The following P4HA1 variants were observed in gnomAD, a reference collection of about 807,000 sequenced individuals.
The protein encoded by P4HA1 is prolyl 4-hydroxylase subunit alpha 1, also known as prolyl 4-hydroxylase subunit alpha-1.
Under a neutral mutation model 72.8 loss-of-function variants are expected in P4HA1, and 24 were observed. That is an observed-to-expected ratio of 0.33 (90% CI 0.24 to 0.46). The LOEUF (loss-of-function observed/expected upper bound fraction) is 0.46. Among genes scored for constraint, P4HA1 ranks in the 20% least tolerant of loss-of-function variants. P4HA1 has a pLI of 1.00. For synonymous variants in P4HA1, 201 were observed against 218.8 expected (o/e 0.92, Z 0.72); for missense variants, 446 against 640.6 (o/e 0.70, Z 3.28).
intron 4 of P4HA1, chr10:73,071,471 C>T (rs1841564331): frequency 1.3e-5 from 2 of 152,050 alleles, no homozygotes. Context: ...GGCATAATCC[C>T]TTTACCTCCT....
intron 10 of P4HA1, among the ~76,000 whole-genome samples, chr10:73,028,032 GAACAACA>G (rs1840332529): frequency 6.6e-6 from 1 of 152,076 alleles, no homozygotes; most frequent in Non-Finnish European, 1.5e-5. Flanking sequence ...GATGAATACT[GAACAACA>G]GTCAAACACT....
Position 73,073,793 on chromosome 10 carries a change from A to C in P4HA1, c.111T>G (p.Asp37Glu). ...TATAATCTTTCAGAGAAGTCACCAG[A>C]TCTTTCTCAGTATGGATCAAATCAG... Reference protein sequence around the residue: ...QMTDLIHTEKDLVTSLKDYIK... With the variant: ...QMTDLIHTEKELVTSLKDYIK... Residue 37 changes from aspartate (D) to glutamate (E), a missense_variant, in exon 3 of 15, where the codon GAT becomes GAG. Asp to Glu is a conservative substitution (Grantham distance 45). Transcript: ENST00000394890. The C allele has an allele frequency of 1.3e-6, 2 of 1,589,494 alleles. No individual in the cohort carries two copies. The highest frequency in any genetic ancestry group is 1.7e-6 in the Non-Finnish European group (2 of 1,158,226).
intron 10 of P4HA1, among the ~76,000 whole-genome samples, chr10:73,027,729 A>T (rs994687495): frequency 7.3e-6 from 1 of 137,682 alleles, no homozygotes; most frequent in East Asian, 2.5e-4. Flanking sequence ...AAAGGAAAGG[A>T]GGGAAGGATG....
At chr10:73,052,932 C>T (rs1038388136) in intron 6 of P4HA1, among the ~76,000 whole-genome samples, 2 of 152,130 alleles carry the variant, frequency 1.3e-5, no homozygotes, top group African/African-American at 4.8e-5. Context: ...ATAAAATTCT[C>T]CTAAGGTGTA....
intron 1 of P4HA1, among the ~76,000 whole-genome samples, chr10:73,094,600 T>A (rs969278319): frequency 2.6e-5 from 4 of 152,218 alleles, no homozygotes; most frequent in African/African-American, 4.8e-5. Flanking sequence ...AATAAAGCAT[T>A]CCTTCCACAG....
chr10:73,021,152 A>C (rs1422577901), intron 10 of P4HA1, among the ~76,000 whole-genome samples: 1 of 151,856 alleles, frequency 6.6e-6, no homozygotes, highest in Non-Finnish European at 1.5e-5. Context: ...AACAAACAAA[A>C]AAACCCAAAA....
intron 9 of P4HA1, among the ~76,000 whole-genome samples, chr10:73,042,270 C>T (rs906928020): frequency 1.3e-5 from 2 of 151,836 alleles, no homozygotes; most frequent in South Asian, 2.1e-4. Flanking sequence ...TGTATAGTAA[C>T]GTTTAAGGTT....
chr10:73,022,110 C>A (rs913084808), intron 10 of P4HA1, among the ~76,000 whole-genome samples: 1 of 152,226 alleles, frequency 6.6e-6, no homozygotes, highest in African/African-American at 2.4e-5. Flanking sequence ...ACTTAAACGT[C>A]CCTGTCTGAC....
At chr10:73,018,746 T>C (rs1478673149) in intron 10 of P4HA1, among the ~76,000 whole-genome samples, 3 of 151,954 alleles carry the variant, frequency 2.0e-5, no homozygotes, top group Admixed American at 6.6e-5. Flanking sequence ...CTCCAGAGCA[T>C]CCTCTCTTCC....
chr10:73,079,483 T>G (rs1841776611), intron 1 of P4HA1, among the ~76,000 whole-genome samples: 1 of 152,314 alleles, frequency 6.6e-6, no homozygotes, highest in African/African-American at 2.4e-5. Flanking sequence ...GGCTCACGCC[T>G]GTAATCCCAG....
In P4HA1 at chr10:73,008,077, C is replaced by G; in HGVS notation, c.*145G>C. 1 of 487,344 alleles carries G rather than the reference C, an allele frequency of 2.1e-6. No homozygotes were observed. The highest frequency in any genetic ancestry group is 3.7e-6 in the Non-Finnish European group (1 of 269,834). 30.2% of individuals were successfully genotyped at this position (487,344 alleles called of 1,614,324 possible). A position where few individuals can be genotyped will look rare whatever the true frequency, so the allele number is the denominator to read the frequency against. ...AAGAACCCACAAAGTAAGCAATTGT[C>G]CACAGATGAAACATGGGATGAGGTT... On this transcript the variant is annotated 3_prime_UTR_variant, in exon 15 of 15. Transcript: ENST00000394890.
At chr10:73,080,294 T>C (rs1205685707) in intron 1 of P4HA1, among the ~76,000 whole-genome samples, 1 of 152,232 alleles carries the variant, frequency 6.6e-6, no homozygotes, top group East Asian at 1.9e-4. Flanking sequence ...TAGACCTATA[T>C]GGCAGTGCTT....
At chr10:73,093,217 T>C (rs1023778233) in intron 1 of P4HA1, among the ~76,000 whole-genome samples, 21 of 151,960 alleles carry the variant, frequency 1.4e-4, no homozygotes, top group Admixed American at 2.0e-4. Flanking sequence ...CACATTTTTA[T>C]GAAACACTAA....
At chr10:73,054,255 G>GATGAATGT (rs2133101937) in intron 5 of P4HA1, among the ~76,000 whole-genome samples, 2 of 152,308 alleles carry the variant, frequency 1.3e-5, no homozygotes, top group South Asian at 4.1e-4. Context: ...CTGGGCAAGA[G>GATGAATGT]ATGAATGTAC....
intron 7 of P4HA1, among the ~76,000 whole-genome samples, chr10:73,047,477 C>A: frequency 7.4e-6 from 1 of 134,826 alleles, no homozygotes; most frequent in South Asian, 2.3e-4. Context: ...GGAAAGCACC[C>A]AGAGACAAAA....
chr10:73,007,613 A>G lies in P4HA1; in HGVS notation c.*609T>C, dbSNP rs1839821652. On this transcript the variant is annotated 3_prime_UTR_variant, in exon 15 of 15. Coordinates refer to ENST00000394890, the MANE Select transcript of P4HA1 (RefSeq NM_001017962.3). Reference sequence around the variant, plus strand: ...AAAAAAAATCGAAATATTTTAACTCAAGTACGTTTAATTCACCACAGAGGA... The same window carrying G: ...AAAAAAAATCGAAATATTTTAACTCGAGTACGTTTAATTCACCACAGAGGA... The G allele has an allele frequency of 6.6e-6, 1 of 152,134 alleles. No individual in the cohort carries two copies. Among genetic ancestry groups the G allele is most frequent in the Non-Finnish European group, 1.5e-5 (1 of 68,032 alleles). The allele number at this position is 152,134 out of a possible 1,614,324, so 9.4% of individuals were successfully genotyped here. A position where few individuals can be genotyped will look rare whatever the true frequency, so the allele number is the denominator to read the frequency against.
chr10:73,022,047 C>T (rs530989197), intron 10 of P4HA1, among the ~76,000 whole-genome samples: 15 of 152,232 alleles, frequency 9.9e-5, no homozygotes, highest in Non-Finnish European at 2.2e-4. Flanking sequence ...CTGTAGACTC[C>T]ACCTCTGTGG....
chr10:73,010,965 T>G lies in P4HA1; in HGVS notation c.1437+4A>C, dbSNP rs774134018. ...TAAACCAAAAACAAAACAAACAGGC[T>G]TACTTTTTTGGGCCAAACACTAGCT... On this transcript the variant is annotated splice_donor_region_variant and intron_variant, in intron 13 of 14. Transcript: ENST00000394890. The G allele has an allele frequency of 2.5e-6, 4 of 1,611,470 alleles. No homozygotes were observed. In the South Asian group the frequency reaches 4.4e-5, roughly 18 times the overall value.
chr10:73,018,808 A>G (rs1422549977), intron 10 of P4HA1, among the ~76,000 whole-genome samples: 1 of 152,054 alleles, frequency 6.6e-6, no homozygotes, highest in East Asian at 1.9e-4. Flanking sequence ...ACTCACAGCT[A>G]CAACCTGACA....
Sources: allele counts gnomAD v4.1 joint callset (sites outside exome capture counted in the v4.1 genomes callset), GRCh38; gene constraint gnomAD v4.1.1; transcripts MANE v1.5; gene names NCBI Gene and HGNC (gene_info 2026-07-23, HGNC 2026-07-21).